EYS: variants seen among roughly 807,000 people sequenced by gnomAD.
EYS encodes the protein EGF-like photoreceptor maintenance factor, also known as protein eyes shut homolog.
EYS carries 250 observed loss-of-function variants against 282.1 expected under a neutral mutation model. The observed-to-expected ratio is 0.89, with a 90% CI of 0.80 to 0.98. The LOEUF (loss-of-function observed/expected upper bound fraction) is 0.98, where lower values mean the gene tolerates loss of function less well. Among genes scored for constraint, EYS ranks in the 50% least tolerant of loss-of-function variants. EYS has a pLI of 0.00. For missense variants in EYS, 4,016 were observed against 3,709.0 expected, an observed-to-expected ratio of 1.08 and a Z score of -2.15; for synonymous variants, 1,355 against 1,282.9, an observed-to-expected ratio of 1.06 and a Z score of -1.20.
At chr6:65,683,159 T>A (rs1768894619) in intron 1 of EYS, among the ~76,000 whole-genome samples, 1 of 152,024 alleles carries the variant, frequency 6.6e-6, no homozygotes, top group African/African-American at 2.4e-5. Flanking sequence ...TTGATGTGTT[T>A]TTATCACTCA....
At position 65,429,732 on chromosome 6, in the gene EYS, T is replaced by A. The variant is rs188601612; in HGVS notation, c.863-24365A>T. Among the ~76,000 whole-genome samples, 339 of 152,220 alleles carry A rather than the reference T, an allele frequency of 2.2e-3. 2 individuals are homozygous for A. Among genetic ancestry groups the A allele is most frequent in the Middle Eastern group, 0.014 (4 of 294 alleles). The stretch of plus-strand genomic sequence containing the variant: ...CTATGGAGAAACATTGAGAATGATT[T>A]TTTTTTTCTTATTTATGATGAGTTT... On this transcript the variant is annotated intron_variant, in intron 5 of 42. Coordinates refer to ENST00000503581, the MANE Select transcript of EYS (RefSeq NM_001142800.2).
chr6:64,410,148 C>T (rs1051185433), intron 28 of EYS, among the ~76,000 whole-genome samples: 1 of 152,000 alleles, frequency 6.6e-6, no homozygotes, highest in African/African-American at 2.4e-5. Flanking sequence ...CCAGGCAGGA[C>T]CCATGAGTCT....
chr6:63,777,965 A>C, intron 40 of EYS, 41 bp downstream of exon 40: 1 of 1,539,528 alleles, frequency 6.5e-7, no homozygotes, highest in Non-Finnish European at 8.8e-7. Flanking sequence ...GTTAGAGTGC[A>C]AACAACCTGC....
At chr6:65,211,924 C>A (rs1466625683) in intron 12 of EYS, among the ~76,000 whole-genome samples, 1 of 151,852 alleles carries the variant, frequency 6.6e-6, no homozygotes, top group Non-Finnish European at 1.5e-5. Flanking sequence ...TATATGAAGT[C>A]TTTTGGGTGA....
At chr6:64,665,861 T>C (rs1314176874) in intron 22 of EYS, among the ~76,000 whole-genome samples, 1 of 152,202 alleles carries the variant, frequency 6.6e-6, no homozygotes, top group African/African-American at 2.4e-5. Context: ...CCGATTTTCC[T>C]ACCTATTACC....
chr6:65,412,942 G>A (rs1767081491), intron 5 of EYS, among the ~76,000 whole-genome samples: 1 of 152,088 alleles, frequency 6.6e-6, no homozygotes, highest in South Asian at 2.1e-4. Context: ...AAAATGGGGA[G>A]AACTGCTTTT....
At chr6:65,331,545 C>G (rs1435381963) in intron 11 of EYS, 2 of 963,952 alleles carry the variant, frequency 2.1e-6, no homozygotes, top group East Asian at 2.3e-4. Context: ...GAGACAATAT[C>G]AAGAACTCAT....
intron 12 of EYS, among the ~76,000 whole-genome samples, chr6:65,116,861 G>A (rs1305736006): frequency 6.7e-6 from 1 of 148,370 alleles, no homozygotes; most frequent in Non-Finnish European, 1.5e-5. Flanking sequence ...TATGAAACTT[G>A]AGTCTATCAA....
At chr6:64,954,984 T>C (rs1053915468) in intron 14 of EYS, among the ~76,000 whole-genome samples, 1 of 151,930 alleles carries the variant, frequency 6.6e-6, no homozygotes, top group Non-Finnish European at 1.5e-5. Flanking sequence ...GCCTGGCCAA[T>C]ATGGTGAAAC....
At chr6:64,455,926 A>ATTTTATATGG (rs1775545450) in intron 26 of EYS, among the ~76,000 whole-genome samples, 1 of 152,130 alleles carries the variant, frequency 6.6e-6, no homozygotes, top group South Asian at 2.1e-4. Context: ...CAACTTTGGT[A>ATTTTATATGG]TTTTAATATT....
chr6:65,658,334 G>A (rs750500299), intron 1 of EYS, among the ~76,000 whole-genome samples: 22 of 151,638 alleles, frequency 1.5e-4, no homozygotes, highest in Non-Finnish European at 2.8e-4. Flanking sequence ...TCTGAAAACT[G>A]TATGGACTTT....
intron 42 of EYS, among the ~76,000 whole-genome samples, chr6:63,725,683 G>A (rs2149630780): frequency 6.6e-6 from 1 of 152,130 alleles, no homozygotes; most frequent in East Asian, 1.9e-4. Context: ...GCATTGAGGT[G>A]GAACCACTTT....
At chr6:65,338,503 T>G (rs1208764048) in intron 10 of EYS, among the ~76,000 whole-genome samples, 1 of 151,108 alleles carries the variant, frequency 6.6e-6, no homozygotes, top group East Asian at 1.9e-4. Flanking sequence ...GTTAACAAAT[T>G]TTGGACTGAA....
rs776038042 is a variant in EYS at position 63,720,938 on chromosome 6, A to G, written c.9093T>C (p.Pro3031=). The G allele has an allele frequency of 8.4e-6, 13 of 1,551,256 alleles. No homozygotes were observed. Among genetic ancestry groups the G allele is most frequent in the Non-Finnish European group, 1.1e-5 (13 of 1,146,702 alleles). ...AVNLGERISV[P]MSYNNGTFCC... ...AGAATGTGCCATTGTTATAGCTCAT[A>G]GGCACAGAGATTCTTTCTCCCAAGT... is the stretch of plus-strand genomic sequence containing the variant. Residue 3031 remains proline, a synonymous_variant, in exon 43 of 43, where the codon CCT becomes CCC. Transcript: ENST00000503581.
At chr6:64,509,905 C>G (rs1777330863) in intron 26 of EYS, among the ~76,000 whole-genome samples, 2 of 152,096 alleles carry the variant, frequency 1.3e-5, no homozygotes, top group Non-Finnish European at 2.9e-5. Flanking sequence ...ATGTTAATTC[C>G]TCTCTCCCAC....
At chr6:64,351,067 T>C (rs1227259538) in intron 29 of EYS, among the ~76,000 whole-genome samples, 1 of 12,900 alleles carries the variant, frequency 7.8e-5, no homozygotes, top group African/African-American at 6.2e-4. Context: ...ATGAAACCTC[T>C]TTTTTTTTTT....
chr6:64,523,612 T>C (rs1282533754), intron 26 of EYS, among the ~76,000 whole-genome samples: 2 of 151,744 alleles, frequency 1.3e-5, no homozygotes, highest in Non-Finnish European at 3.0e-5. Flanking sequence ...CATAAACTAT[T>C]CTGTGTAAAA....
intron 12 of EYS, among the ~76,000 whole-genome samples, chr6:65,216,862 A>C (rs544094583): frequency 6.6e-6 from 1 of 152,124 alleles, no homozygotes; most frequent in Non-Finnish European, 1.5e-5. Flanking sequence ...CCTATGACAA[A>C]TTTGGCAAGT....
chr6:64,213,394 C>A (rs1418160095), intron 31 of EYS, among the ~76,000 whole-genome samples: 1 of 152,040 alleles, frequency 6.6e-6, no homozygotes, highest in Non-Finnish European at 1.5e-5. Context: ...ACTAGCAAAG[C>A]CTCTGAGAAG....
Sources: gnomAD v4.1 joint callset for allele counts (sites outside exome capture counted in the v4.1 genomes callset) on GRCh38, gnomAD v4.1.1 for gene constraint, MANE v1.5 for transcripts, NCBI Gene and HGNC (gene_info 2026-07-23, HGNC 2026-07-21) for gene names.